The following EYA4 variants were observed in gnomAD, a reference collection of about 807,000 sequenced individuals.
The protein encoded by EYA4 is EYA transcriptional coactivator and phosphatase 4, also known as protein phosphatase EYA4.
A neutral mutation model predicts 87.9 loss-of-function variants in EYA4; 31 were observed. The observed-to-expected ratio is 0.35, with a 90% CI of 0.27 to 0.48. The LOEUF is 0.48. EYA4 is among the 20% of genes least tolerant of loss of function. The pLI, the probability that EYA4 is intolerant of heterozygous loss-of-function variation, is 0.99. For missense variants in EYA4, 678 were observed against 761.4 expected (o/e 0.89, Z 1.29); for synonymous variants, 263 against 270.6 (o/e 0.97, Z 0.28).
At chr6:133,516,494 C>T (rs1159947597) in intron 17 of EYA4, among the ~76,000 whole-genome samples, 3 of 151,014 alleles carry the variant, frequency 2.0e-5, no homozygotes, top group Non-Finnish European at 2.9e-5. Flanking sequence ...AGGTGGATCA[C>T]GAGGTCAGGA....
In EYA4 at chr6:133,395,756, G is replaced by A. The variant is rs569190919; in HGVS notation, c.83+13315G>A. 1.6e-4 allele frequency among the ~76,000 whole-genome samples: 25 copies of A among 152,252 alleles called. No individual in the cohort carries two copies. The South Asian group carries it at 4.8e-3, about 29-fold the overall frequency. On this transcript the variant is annotated intron_variant, in intron 3 of 19. Transcript: ENST00000355286. Reference sequence around the variant, plus strand: ...AGCCTGGGTGACAGAGCAAGACTTCGTCTAAAAAATTAAAATAAAATAAAA... The same window carrying A: ...AGCCTGGGTGACAGAGCAAGACTTCATCTAAAAAATTAAAATAAAATAAAA...
intron 11 of EYA4, among the ~76,000 whole-genome samples, chr6:133,476,166 C>T (rs1420195380): frequency 2.0e-5 from 3 of 151,942 alleles, no homozygotes; most frequent in Non-Finnish European, 2.9e-5. Flanking sequence ...TTGTGTATAA[C>T]CCATTGTTTT....
chr6:133,466,733 A>G (rs546348191), intron 10 of EYA4, among the ~76,000 whole-genome samples: 1 of 151,962 alleles, frequency 6.6e-6, no homozygotes, highest in South Asian at 2.1e-4. Context: ...AGAGTGTACC[A>G]AATCCCCAAT....
chr6:133,416,911 C>T (rs1460688807), intron 3 of EYA4, among the ~76,000 whole-genome samples: 1 of 152,192 alleles, frequency 6.6e-6, no homozygotes, highest in African/African-American at 2.4e-5. Context: ...GCCCACTGCC[C>T]TCTGTGGTTA....
chr6:133,326,954 G>A (rs1781547173), intron 2 of EYA4, among the ~76,000 whole-genome samples: 3 of 151,980 alleles, frequency 2.0e-5, no homozygotes, highest in South Asian at 4.2e-4. Context: ...CCTGTGCCTT[G>A]ACCTCTCGCT....
chr6:133,261,626 T>G (rs776506234), intron 1 of EYA4, among the ~76,000 whole-genome samples: 1 of 152,232 alleles, frequency 6.6e-6, no homozygotes, highest in Non-Finnish European at 1.5e-5. Flanking sequence ...TTTTGGCTAC[T>G]ATCTAAATAT....
rs541627572 is a variant in EYA4 at position 133,261,814 on chromosome 6, TCTCA to T, written c.-65-12899_-65-12896del. ...AATATAAAAACAGGTTTTCTTCCAC[TCTCA>T]CTAGCAAGCAAAGTGGTCTGTATTT... On this transcript the variant is annotated intron_variant, in intron 1 of 19. Coordinates refer to ENST00000355286, the MANE Select transcript of EYA4 (RefSeq NM_004100.5). 4.3e-3 allele frequency among the ~76,000 whole-genome samples: 651 copies of T among 152,352 alleles called. 9 individuals are homozygous for T. The highest frequency in any genetic ancestry group is 0.015 in the African/African-American group (621 of 41,578).
intron 2 of EYA4, among the ~76,000 whole-genome samples, chr6:133,363,584 C>T (rs964608998): frequency 5.9e-5 from 9 of 151,876 alleles, no homozygotes; most frequent in African/African-American, 2.2e-4. Context: ...ACGCCATTCT[C>T]CTGCCTCAGC....
At chr6:133,395,952 G>C (rs575065834) in intron 3 of EYA4, among the ~76,000 whole-genome samples, 1 of 152,108 alleles carries the variant, frequency 6.6e-6, no homozygotes, top group Non-Finnish European at 1.5e-5. Context: ...AAGTCATCAC[G>C]TCCTTACCAA....
chr6:133,502,043 TTC>T (rs3836968), intron 13 of EYA4, among the ~76,000 whole-genome samples: 34,066 of 145,618 alleles, frequency 0.23, 3,774 homozygotes, highest in Non-Finnish European at 0.27. Context: ...CATCTTCCTC[TTC>T]TCTCTCTCTC....
chr6:133,271,687 C>T (rs1438383864), intron 1 of EYA4, among the ~76,000 whole-genome samples: 1 of 152,140 alleles, frequency 6.6e-6, no homozygotes, highest in Non-Finnish European at 1.5e-5. Flanking sequence ...GCCAGTTTAG[C>T]CTTGGAGGAT....
At position 133,455,032 on chromosome 6, in the gene EYA4, G is replaced by A. The variant is rs114055632; in HGVS notation, c.278-1524G>A. Among the ~76,000 whole-genome samples the A allele has an allele frequency of 5.3e-3, 805 of 152,172 alleles. 5 individuals carry two copies. Among genetic ancestry groups the A allele is most frequent in the African/African-American group, 0.017 (725 of 41,522 alleles). On this transcript the variant is annotated intron_variant, in intron 5 of 19. Coordinates refer to ENST00000355286, the MANE Select transcript of EYA4 (RefSeq NM_004100.5). Reference sequence around the variant, plus strand: ...ACTTCAGTTTCCTTGTCTATAAAATGGTTATAGTGATTTGTATTAATTAGA... The same window carrying A: ...ACTTCAGTTTCCTTGTCTATAAAATAGTTATAGTGATTTGTATTAATTAGA...
chr6:133,246,116 A>T (rs1358567044), intron 1 of EYA4, among the ~76,000 whole-genome samples: 1 of 152,226 alleles, frequency 6.6e-6, no homozygotes, highest in Non-Finnish European at 1.5e-5. Context: ...AGTTTCAGAG[A>T]GTGCACCTCT....
rs542023009 is a variant in EYA4, at chr6:133,329,280, G to A, written c.34-53112G>A. Among the ~76,000 whole-genome samples, 294 of 152,052 alleles carry A rather than the reference G, an allele frequency of 1.9e-3. 1 individual carries two copies. Among genetic ancestry groups the A allele is most frequent in the Non-Finnish European group, 3.0e-3 (207 of 67,906 alleles). On this transcript the variant is annotated intron_variant, in intron 2 of 19. Transcript: ENST00000355286. ...GGATCCACGTTAATAGTCTTATTAT[G>A]TGCTAGCAAATCCATGCCCAGTCTA...
intron 2 of EYA4, among the ~76,000 whole-genome samples, chr6:133,315,031 G>C (rs1277844825): frequency 1.3e-5 from 2 of 152,112 alleles, no homozygotes; most frequent in Non-Finnish European, 2.9e-5. Context: ...CGTCTCCCCA[G>C]CTACCCTCAG....
intron 2 of EYA4, among the ~76,000 whole-genome samples, chr6:133,299,931 C>CTATATATATATATATATA (rs1483133674): frequency 2.5e-5 from 2 of 80,472 alleles, no homozygotes; most frequent in African/African-American, 9.6e-5. Context: ...AGATCTCTAT[C>CTATATATATATATATATA]TATCTATCTA....
intron 12 of EYA4, among the ~76,000 whole-genome samples, chr6:133,482,196 A>G (rs1562472294): frequency 6.6e-6 from 1 of 152,246 alleles, no homozygotes; most frequent in Non-Finnish European, 1.5e-5. Flanking sequence ...TACTTCTTAC[A>G]TACCACATAC....
intron 2 of EYA4, among the ~76,000 whole-genome samples, chr6:133,381,075 C>CTTTTTTTTTTT (rs5880181): frequency 1.0e-5 from 1 of 96,816 alleles, no homozygotes; most frequent in Non-Finnish European, 1.9e-5. Context: ...TTTTTTTTTT[C>CTTTTTTTTTTT]TTTTTTTTTT....
At chr6:133,268,402 A>G (rs934740315) in intron 1 of EYA4, among the ~76,000 whole-genome samples, 1 of 152,184 alleles carries the variant, frequency 6.6e-6, no homozygotes, top group Non-Finnish European at 1.5e-5. Context: ...CATTTATGTA[A>G]TCCATGTATC....
Sources: gnomAD v4.1 joint callset for allele counts (sites outside exome capture counted in the v4.1 genomes callset) on GRCh38, gnomAD v4.1.1 for gene constraint, MANE v1.5 for transcripts, NCBI Gene and HGNC (gene_info 2026-07-23, HGNC 2026-07-21) for gene names.